ROBO1: variants seen among roughly 807,000 people sequenced by gnomAD.
ROBO1 encodes roundabout guidance receptor 1, also known as roundabout homolog 1.
ROBO1 carries 149 observed loss-of-function variants against 195.9 expected under a neutral mutation model. The observed-to-expected ratio is 0.76, with a 90% CI of 0.67 to 0.87. The LOEUF (loss-of-function observed/expected upper bound fraction) is 0.87. ROBO1 is among the 40% of genes least tolerant of loss of function. The pLI is 0.00. For synonymous variants in ROBO1, 816 were observed against 733.2 expected, an observed-to-expected ratio of 1.11 and a Z score of -1.82; for missense variants, 1,933 against 2,068.3, an observed-to-expected ratio of 0.93 and a Z score of 1.27.
At chr3:79,267,032 T>C (rs769224288) in intron 2 of ROBO1, among the ~76,000 whole-genome samples, 23 of 151,524 alleles carry the variant, frequency 1.5e-4, no homozygotes, top group Non-Finnish European at 2.8e-4. Flanking sequence ...GAACTCTATA[T>C]ACACAAATGG....
At chr3:78,844,808 A>G (rs1320483625) in intron 4 of ROBO1, among the ~76,000 whole-genome samples, 1 of 152,096 alleles carries the variant, frequency 6.6e-6, no homozygotes, top group African/African-American at 2.4e-5. Flanking sequence ...TCATGGTTCA[A>G]TAATTAGTGA....
At chr3:78,699,395 C>CAAA (rs60574193) in intron 8 of ROBO1, among the ~76,000 whole-genome samples, 21 of 83,036 alleles carry the variant, frequency 2.5e-4, no homozygotes, top group South Asian at 5.3e-4. Context: ...ACTAAAAATA[C>CAAA]AAAAAAAAAA....
At chr3:79,579,069 T>A (rs1943580073) in intron 2 of ROBO1, among the ~76,000 whole-genome samples, 1 of 152,206 alleles carries the variant, frequency 6.6e-6, no homozygotes. Context: ...TGAAGTCTTA[T>A]ATTAGATGGC....
chr3:78,826,972 T>C (rs2031670350), intron 4 of ROBO1, among the ~76,000 whole-genome samples: 1 of 152,166 alleles, frequency 6.6e-6, no homozygotes, highest in South Asian at 2.1e-4. Flanking sequence ...TGATTTTGCA[T>C]ATACATACTT....
intron 2 of ROBO1, among the ~76,000 whole-genome samples, chr3:79,302,108 C>T (rs572758836): frequency 4.6e-5 from 7 of 152,250 alleles, no homozygotes; most frequent in East Asian, 1.9e-4. Flanking sequence ...AGGGACCAGA[C>T]GAAATTCCAG....
chr3:79,461,377 C>T (rs1937629886), intron 2 of ROBO1, among the ~76,000 whole-genome samples: 1 of 152,010 alleles, frequency 6.6e-6, no homozygotes, highest in Non-Finnish European at 1.5e-5. Flanking sequence ...CTTGAGCTAC[C>T]ACATAAAATG....
chr3:79,033,377 A>C (rs1306616103), intron 3 of ROBO1, among the ~76,000 whole-genome samples: 1 of 152,132 alleles, frequency 6.6e-6, no homozygotes, highest in Non-Finnish European at 1.5e-5. Context: ...TTTACCAATT[A>C]GAGTGACTTA....
In ROBO1 at chr3:79,670,646, C is replaced by T. The variant is rs762425056; in HGVS notation, c.-50-80685G>A. On this transcript the variant is annotated intron_variant, in intron 1 of 30. Coordinates refer to ENST00000464233, the MANE Select transcript of ROBO1 (RefSeq NM_002941.4). Reference sequence around the variant, plus strand: ...GAAATGGCACACATTCACTTAATAACGTTAACTTTTAGGTAAACATTGGCA... The same window carrying T: ...GAAATGGCACACATTCACTTAATAATGTTAACTTTTAGGTAAACATTGGCA... Among the ~76,000 whole-genome samples the T allele has an allele frequency of 4.6e-5, 7 of 151,760 alleles. No homozygotes were observed. The South Asian group carries it at 1.0e-3, about 22-fold the overall frequency.
intron 28 of ROBO1, among the ~76,000 whole-genome samples, chr3:78,612,721 G>A (rs1040566607): frequency 6.6e-6 from 1 of 152,128 alleles, no homozygotes; most frequent in Non-Finnish European, 1.5e-5. Flanking sequence ...CCAAAATATT[G>A]AAAGAAAGTG....
At chr3:79,729,309 C>A (rs1703050637) in intron 1 of ROBO1, among the ~76,000 whole-genome samples, 1 of 152,102 alleles carries the variant, frequency 6.6e-6, no homozygotes, top group African/African-American at 2.4e-5. Flanking sequence ...ATGAAGTCGG[C>A]CTCTGGCTGA....
intron 2 of ROBO1, among the ~76,000 whole-genome samples, chr3:79,263,095 AG>A (rs777462262): frequency 1.3e-5 from 2 of 152,088 alleles, no homozygotes; most frequent in Non-Finnish European, 2.9e-5. Flanking sequence ...CATACCCTTT[AG>A]TACCATCATT....
intron 4 of ROBO1, among the ~76,000 whole-genome samples, chr3:78,853,666 C>G (rs1448173452): frequency 6.6e-6 from 1 of 151,956 alleles, no homozygotes. Flanking sequence ...GGCTGAACCT[C>G]ATCCAACCAG....
At chr3:79,753,856 T>G (rs1277286108) in intron 1 of ROBO1, among the ~76,000 whole-genome samples, 2 of 152,156 alleles carry the variant, frequency 1.3e-5, no homozygotes, top group Non-Finnish European at 2.9e-5. Context: ...GATGCAAAAA[T>G]TTGAAATAGG....
chr3:79,641,487 T>C (rs1945659852), intron 1 of ROBO1, among the ~76,000 whole-genome samples: 1 of 151,998 alleles, frequency 6.6e-6, no homozygotes, highest in Non-Finnish European at 1.5e-5. Context: ...GCATGGCACA[T>C]GTATACATAT....
At chr3:78,886,457 G>A (rs1194392989) in intron 4 of ROBO1, among the ~76,000 whole-genome samples, 1 of 152,080 alleles carries the variant, frequency 6.6e-6, no homozygotes, top group African/African-American at 2.4e-5. Context: ...ACCCAGGTGT[G>A]TTGGCGCATG....
At chr3:79,502,058 C>G (rs968501645) in intron 2 of ROBO1, among the ~76,000 whole-genome samples, 7 of 152,210 alleles carry the variant, frequency 4.6e-5, no homozygotes, top group Non-Finnish European at 8.8e-5. Flanking sequence ...GCTAGCAAAG[C>G]CCACAGGAAT....
chr3:78,792,654 C>G (rs1393695710), intron 4 of ROBO1, among the ~76,000 whole-genome samples: 2 of 152,172 alleles, frequency 1.3e-5, no homozygotes, highest in African/African-American at 4.8e-5. Context: ...CACTTTCCTT[C>G]TCTCAACATT....
At chr3:79,475,326 A>C (rs1938495339) in intron 2 of ROBO1, among the ~76,000 whole-genome samples, 1 of 152,016 alleles carries the variant, frequency 6.6e-6, no homozygotes, top group Admixed American at 6.6e-5. Context: ...TTTAGTCTAC[A>C]TGTAGATAAG....
intron 3 of ROBO1, among the ~76,000 whole-genome samples, chr3:79,095,932 G>T (rs2079558475): frequency 6.6e-6 from 1 of 151,906 alleles, no homozygotes; most frequent in South Asian, 2.1e-4. Context: ...TATACTTTGT[G>T]AATGTACCAT....
Sources: allele counts gnomAD v4.1 joint callset (sites outside exome capture counted in the v4.1 genomes callset), GRCh38; gene constraint gnomAD v4.1.1; transcripts MANE v1.5; gene names NCBI Gene and HGNC (gene_info 2026-07-23, HGNC 2026-07-21).